Variants in TRPM4 observed in about 807,000 individuals in gnomAD.
TRPM4 encodes calcium-activated non-selective cation channel 1.
A neutral mutation model predicts 135.6 loss-of-function variants in TRPM4; 124 were observed. That is an observed-to-expected ratio of 0.91 (90% confidence interval 0.79 to 1.06). The LOEUF (loss-of-function observed/expected upper bound fraction) is 1.06, where lower values mean the gene tolerates loss of function less well. Ranked by LOEUF, TRPM4 falls within the 50% of genes least tolerant of loss-of-function variation. The pLI, the probability that TRPM4 is intolerant of heterozygous loss-of-function variation, is 0.00. For missense variants in TRPM4, 1,658 were observed against 1,671.4 expected (o/e 0.99, Z 0.14); for synonymous variants, 745 against 705.6 (o/e 1.06, Z -0.88).
intron 10 of TRPM4, 77 bp downstream of exon 10, chr19:49,181,538 T>C: frequency 2.6e-5 from 26 of 996,608 alleles, no homozygotes; most frequent in Non-Finnish European, 2.9e-5. Flanking sequence ...TTCTTTTTTT[T>C]TTTTTTTTTT....
In TRPM4 at chr19:49,211,253, C is replaced by T. The variant is rs774276946; in HGVS notation, c.3624C>T (p.Asp1208=). Residue 1208 remains aspartate (D), a synonymous_variant, in exon 24 of 25, where the codon GAC becomes GAT. Transcript: ENST00000252826. The surrounding 1 kb of genome is among the most constrained non-coding windows in gnomAD (Gnocchi z 4.8). ...CCCCAGGTGGGCCGCCACCCCCTGA[C>T]CTGCCTGGGTCCAAAGGTCAGTGTG... ...LLPPGGPPPP[D]LPGSKD The T allele has an allele frequency of 6.9e-6, 11 of 1,584,760 alleles. No individual in the cohort carries two copies. Among genetic ancestry groups the T allele is most frequent in the East Asian group, 4.6e-5 (2 of 43,608 alleles).
intron 20 of TRPM4, among the ~76,000 whole-genome samples, chr19:49,205,332 T>C (rs935439979): frequency 5.3e-5 from 8 of 152,234 alleles, no homozygotes; most frequent in East Asian, 3.9e-4. Flanking sequence ...AGTTGCGTCA[T>C]TGAAACTTCT....
At chr19:49,177,245 A>G (rs1967731306) in intron 9 of TRPM4, among the ~76,000 whole-genome samples, 1 of 151,892 alleles carries the variant, frequency 6.6e-6, no homozygotes, top group South Asian at 2.1e-4. Context: ...CACTGGGGGA[A>G]CTGGAGATGG....
At chr19:49,169,763 AGCCC>A (rs550043275) in intron 6 of TRPM4, among the ~76,000 whole-genome samples, 1 of 150,302 alleles carries the variant, frequency 6.7e-6, no homozygotes, top group Non-Finnish European at 1.5e-5. Context: ...TTTGCCATGC[AGCCC>A]AGGTGGCCTC....
At chr19:49,178,517 T>C (rs770898564) in intron 9 of TRPM4, among the ~76,000 whole-genome samples, 1 of 151,260 alleles carries the variant, frequency 6.6e-6, no homozygotes, top group Non-Finnish European at 1.5e-5. Context: ...GCCTGTGAGA[T>C]GGGAGGAGCA....
At position 49,193,916 on chromosome 19, in the gene TRPM4, CCTT is replaced by C. The variant is rs562695627; in HGVS notation, c.2211-2521_2211-2519del. Among the ~76,000 whole-genome samples, 146 of 150,746 alleles carry C rather than the reference CCTT, an allele frequency of 9.7e-4. 1 individual carries two copies. In the South Asian group the frequency reaches 0.028, roughly 29 times the overall value. ...TCCTTCTCCTCCTCCTCGTCATCCTCCTTCTCCTCCTCCTCTTCATCCTCCTCC... is the reference window on the plus strand; with the variant it reads ...TCCTTCTCCTCCTCCTCGTCATCCTCCTCCTCCTCCTCTTCATCCTCCTCC... On this transcript the variant is annotated intron_variant, in intron 16 of 24. Transcript: ENST00000252826.
intron 16 of TRPM4, among the ~76,000 whole-genome samples, chr19:49,195,661 C>T (rs1464434967): frequency 6.6e-6 from 1 of 150,910 alleles, no homozygotes; most frequent in East Asian, 1.9e-4. Context: ...TGAGCTAGCG[C>T]GCCCAGCCCG....
chr19:49,183,735 A>T (rs546517157), intron 12 of TRPM4, among the ~76,000 whole-genome samples: 42 of 146,594 alleles, frequency 2.9e-4, no homozygotes, highest in Middle Eastern at 7.2e-3. Flanking sequence ...CTTTGATAAT[A>T]TATCTCAGTG....
intron 19 of TRPM4, among the ~76,000 whole-genome samples, chr19:49,201,602 G>A (rs569425238): frequency 1.3e-5 from 2 of 152,280 alleles, no homozygotes; most frequent in East Asian, 3.9e-4. Flanking sequence ...AGAGGAACCT[G>A]TACTTTACTT....
At chr19:49,166,324 C>T in intron 3 of TRPM4, 109 bp downstream of exon 3, 1 of 1,191,670 alleles carries the variant, frequency 8.4e-7, no homozygotes, top group Non-Finnish European at 1.2e-6. Context: ...CCGCCCATCC[C>T]TGTCTTGGCT....
chr19:49,200,460 C>T (rs1600514022), intron 18 of TRPM4, 28 bp downstream of exon 18: 3 of 454,108 alleles, frequency 6.6e-6, no homozygotes, highest in Non-Finnish European at 7.6e-6. Flanking sequence ...CCAAAGTGGG[C>T]GGGGACATAG....
At position 49,190,276 on chromosome 19, in the gene TRPM4, C is replaced by G; in HGVS notation, c.2088C>G (p.Ala696=). 6.2e-7 allele frequency: 1 copy of G among 1,613,774 alleles called. No homozygotes were observed. Among genetic ancestry groups the G allele is most frequent in the Non-Finnish European group, 8.5e-7 (1 of 1,179,914 alleles). Residue 696 remains alanine (A), a synonymous_variant, in exon 15 of 25, where the codon GCC becomes GCG. Transcript: ENST00000252826. ...CACCCATCTGGGCCCTGGTTCTCGCCTTCTTTTGCCCTCCACTCATCTACA... is the reference window on the plus strand; with the variant it reads ...CACCCATCTGGGCCCTGGTTCTCGCGTTCTTTTGCCCTCCACTCATCTACA... ...STTPIWALVL[A]FFCPPLIYTR... is the part of the protein sequence containing the mutation.
chr19:49,186,903 C>G (rs1428055717), intron 12 of TRPM4, among the ~76,000 whole-genome samples: 1 of 151,828 alleles, frequency 6.6e-6, no homozygotes, highest in Non-Finnish European at 1.5e-5. Flanking sequence ...TTAACACACA[C>G]TGCCTGGAAA....
rs1408045703 is a variant in TRPM4 at position 49,188,694 on chromosome 19, G to T, written c.1797G>T (p.Met599Ile). Residue 599 changes from methionine (M) to isoleucine (I), a missense_variant, in exon 13 of 25, where the codon ATG (methionine) becomes ATT (isoleucine). By Grantham distance (10) the Met-to-Ile change is conservative. Coordinates refer to ENST00000252826, the MANE Select transcript of TRPM4 (RefSeq NM_017636.4). The stretch of plus-strand genomic sequence containing the variant: ...GGGCCTGTTTGCTGCTCCGGGTGAT[G>T]GCACGCCTGGAGCCTGACGCTGAGG... ...ALGACLLLRV[M>I]ARLEPDAEEA... 6.8e-6 allele frequency: 11 copies of T among 1,614,176 alleles called. No individual in the cohort carries two copies. The highest frequency in any genetic ancestry group is 8.5e-6 in the Non-Finnish European group (10 of 1,180,040).
rs1419437484 is a variant in TRPM4 at position 49,211,188 on chromosome 19, G to C, written c.3559G>C (p.Gly1187Arg). Residue 1187 changes from glycine to arginine, a missense_variant, in exon 24 of 25, where the codon GGG (glycine) becomes CGG (arginine). Around this residue, in one of 3 missense-constraint regions of TRPM4, gnomAD observed 1,412 missense variants for 1,408.7 expected, o/e 1.00. Coordinates refer to ENST00000252826, the MANE Select transcript of TRPM4 (RefSeq NM_017636.4). This position sits in a 1 kb window ranked among gnomAD's most constrained non-coding sequence, Gnocchi z 4.8. ...GGTCCAGCAGTGTAGCCGCGTCCTG[G>C]GGTGGGTGGCCGAGGCCCTGAGCCG... is the stretch of plus-strand genomic sequence containing the variant. ...REVQQCSRVL[G>R]WVAEALSRSA... 1 of 1,604,312 alleles carries C rather than the reference G, an allele frequency of 6.2e-7. No homozygotes were observed. The highest frequency in any genetic ancestry group is 1.7e-5 in the Admixed American group (1 of 57,874).
intron 11 of TRPM4, 46 bp downstream of exon 11, chr19:49,182,968 C>T (rs754370227): frequency 1.9e-6 from 3 of 1,589,236 alleles, no homozygotes; most frequent in Admixed American, 1.7e-5. Flanking sequence ...CGGGAAGGAC[C>T]TGGGGGCGGG....
At chr19:49,195,258 G>A (rs957347884) in intron 16 of TRPM4, among the ~76,000 whole-genome samples, 2 of 152,060 alleles carry the variant, frequency 1.3e-5, no homozygotes, top group Non-Finnish European at 2.9e-5. Context: ...ACTGCTTTTC[G>A]TTTTCCCAGC....
At position 49,182,840 on chromosome 19, in the gene TRPM4, T is replaced by C. The variant is rs771243272; in HGVS notation, c.1526T>C (p.Met509Thr). ...CCTGACGTGGGGCATGTGCTGAGGA[T>C]GCTGCTGGGGAAGATGTGCGCGCCG... ...RPPDVGHVLR[M>T]LLGKMCAPRY... Residue 509 changes from methionine to threonine, a missense_variant, in exon 11 of 25, where the codon ATG becomes ACG. By Grantham distance (81) the Met-to-Thr change is moderately conservative (BLOSUM62 -1). Around this residue, in one of 3 missense-constraint regions of TRPM4, gnomAD observed 1,412 missense variants for 1,408.7 expected, o/e 1.00. Transcript: ENST00000252826. 3 of 1,612,726 alleles carry C rather than the reference T, an allele frequency of 1.9e-6. No individual in the cohort carries two copies. In the African/African-American group the frequency reaches 4.0e-5, roughly 22 times the overall value.
At chr19:49,202,174 C>A in intron 20 of TRPM4, 33 bp downstream of exon 20, 7 of 1,611,422 alleles carry the variant, frequency 4.3e-6, no homozygotes, top group Non-Finnish European at 5.9e-6. Flanking sequence ...TCTGACCCCA[C>A]CCAGCATGAC....
Sources: gnomAD v4.1 joint callset for allele counts (sites outside exome capture counted in the v4.1 genomes callset) on GRCh38, gnomAD v4.1.1 for gene constraint, gnomAD v4.1.1 regional missense constraint, Gnocchi (gnomAD v3.1) non-coding constraint, MANE v1.5 for transcripts, NCBI Gene and HGNC (gene_info 2026-07-23, HGNC 2026-07-21) for gene names.